Variants in ANGPT1 observed in about 807,000 individuals in gnomAD.
ANGPT1 encodes angiopoietin 1.
ANGPT1 carries 17 observed loss-of-function variants against 62.2 expected under a neutral mutation model. The ratio of observed to expected loss-of-function variants is 0.27; its 90% confidence interval spans 0.19 to 0.41. ANGPT1 has a LOEUF of 0.41. ANGPT1 is among the 10% of genes least tolerant of loss of function. ANGPT1 has a pLI of 1.00. For synonymous variants in ANGPT1, 199 were observed against 198.9 expected (o/e 1.00, Z 0.00); for missense variants, 478 against 594.9 (o/e 0.80, Z 2.04).
At chr8:107,275,271 G>A (rs979244324) in intron 7 of ANGPT1, among the ~76,000 whole-genome samples, 1 of 152,140 alleles carries the variant, frequency 6.6e-6, no homozygotes, top group Non-Finnish European at 1.5e-5. Flanking sequence ...GCCACAAGCA[G>A]CGGTTCTCCT....
At chr8:107,398,566 GTAC>G (rs1226205423) in intron 1 of ANGPT1, among the ~76,000 whole-genome samples, 4 of 139,638 alleles carry the variant, frequency 2.9e-5, no homozygotes, top group African/African-American at 1.1e-4. Flanking sequence ...ACTTTTTGCA[GTAC>G]TCACAAGTAT....
chr8:107,332,120 A>G (rs185281648), intron 3 of ANGPT1, among the ~76,000 whole-genome samples: 1 of 152,312 alleles, frequency 6.6e-6, no homozygotes, highest in East Asian at 1.9e-4. Flanking sequence ...GTACACCTCT[A>G]TTCCATTGTT....
intron 1 of ANGPT1, among the ~76,000 whole-genome samples, chr8:107,468,527 T>G (rs1337867354): frequency 2.8e-4 from 42 of 152,058 alleles, no homozygotes; most frequent in Non-Finnish European, 1.8e-4. Context: ...GGCAATTTTA[T>G]ATCATCTACA....
intron 6 of ANGPT1, among the ~76,000 whole-genome samples, chr8:107,289,511 T>G (rs1217190866): frequency 6.6e-6 from 1 of 152,102 alleles, no homozygotes; most frequent in Non-Finnish European, 1.5e-5. Context: ...GACAGCGCTG[T>G]GGCTTTCAGG....
At chr8:107,295,027 G>GA (rs1016591164) in intron 5 of ANGPT1, 6 of 152,122 alleles carry the variant, frequency 3.9e-5, no homozygotes, top group South Asian at 2.1e-4. Context: ...CCTGATTAAA[G>GA]AAAAAACCTC....
chr8:107,381,314 C>G (rs1375142316), intron 1 of ANGPT1, among the ~76,000 whole-genome samples: 1 of 152,182 alleles, frequency 6.6e-6, no homozygotes, highest in Non-Finnish European at 1.5e-5. Context: ...AAAAGCAACA[C>G]TGTGTGTGCC....
intron 1 of ANGPT1, among the ~76,000 whole-genome samples, chr8:107,357,420 G>C (rs988636006): frequency 3.9e-5 from 6 of 151,942 alleles, no homozygotes; most frequent in Admixed American, 3.9e-4. Flanking sequence ...TTAGTTTCTT[G>C]CTTATCTGAA....
intron 1 of ANGPT1, among the ~76,000 whole-genome samples, chr8:107,468,676 T>C (rs1209534712): frequency 5.3e-5 from 8 of 152,000 alleles, no homozygotes; most frequent in Admixed American, 5.3e-4. Flanking sequence ...TTATACAAAG[T>C]ATGGCAATAG....
chr8:107,459,576 T>C (rs1812012399), intron 1 of ANGPT1, among the ~76,000 whole-genome samples: 1 of 152,172 alleles, frequency 6.6e-6, no homozygotes, highest in South Asian at 2.1e-4. Context: ...GAACGAGGAA[T>C]GCATAATACC....
intron 7 of ANGPT1, among the ~76,000 whole-genome samples, chr8:107,273,046 GT>G (rs1168839820): frequency 1.3e-5 from 2 of 152,030 alleles, no homozygotes; most frequent in Admixed American, 1.3e-4. Context: ...TGACCCTCTT[GT>G]GGTGCCTAAA....
In ANGPT1 at chr8:107,497,747, T is replaced by G. The variant is rs1282713680; in HGVS notation, c.-189A>C. The G allele has an allele frequency of 1.6e-6, 1 of 622,922 alleles. No homozygotes were observed. The highest frequency in any genetic ancestry group is 1.8e-5 in the African/African-American group (1 of 54,292). 38.6% of individuals were successfully genotyped at this position (622,922 alleles called of 1,614,324 possible). On this transcript the variant is annotated 5_prime_UTR_variant, in exon 1 of 9. Coordinates refer to ENST00000517746, the MANE Select transcript of ANGPT1 (RefSeq NM_001146.5). ...GCTTTGTTCTAAAATTTTAAAATTT[T>G]TTATTTCACTGCAATGATGTTTTTC... is the stretch of plus-strand genomic sequence containing the variant.
intron 6 of ANGPT1, among the ~76,000 whole-genome samples, chr8:107,293,710 C>A (rs146502429): frequency 2.6e-4 from 39 of 152,276 alleles, no homozygotes; most frequent in African/African-American, 8.2e-4. Flanking sequence ...CACAACAGTT[C>A]ACCAAATAAT....
chr8:107,356,440 G>A (rs1035216623), intron 1 of ANGPT1, among the ~76,000 whole-genome samples: 1 of 152,132 alleles, frequency 6.6e-6, no homozygotes, highest in African/African-American at 2.4e-5. Context: ...CTGATGGGTA[G>A]AATAAAGAAA....
At chr8:107,257,739 C>A (rs1003182492) in intron 8 of ANGPT1, among the ~76,000 whole-genome samples, 1 of 152,026 alleles carries the variant, frequency 6.6e-6, no homozygotes, top group African/African-American at 2.4e-5. Context: ...TTTATGTGGA[C>A]AAAGTTGGCC....
intron 7 of ANGPT1, among the ~76,000 whole-genome samples, chr8:107,267,317 TATC>T (rs1321829703): frequency 2.6e-5 from 4 of 152,162 alleles, no homozygotes; most frequent in African/African-American, 9.7e-5. Context: ...TGTATGAATA[TATC>T]ATCAATAGTC....
intron 8 of ANGPT1, among the ~76,000 whole-genome samples, chr8:107,262,334 T>G (rs1245277007): frequency 6.6e-6 from 1 of 152,240 alleles, no homozygotes; most frequent in African/African-American, 2.4e-5. Context: ...TAAAAGATGG[T>G]AATTCATGTA....
At chr8:107,488,722 T>C (rs1249554192) in intron 1 of ANGPT1, among the ~76,000 whole-genome samples, 2 of 152,188 alleles carry the variant, frequency 1.3e-5, no homozygotes, top group Non-Finnish European at 2.9e-5. Flanking sequence ...CTGATAATAC[T>C]GGTAATAAGG....
In ANGPT1 at chr8:107,319,899, G is replaced by C. The variant is rs567782484; in HGVS notation, c.808+1997C>G. On this transcript the variant is annotated intron_variant, in intron 4 of 8. Transcript: ENST00000517746. Reference sequence around the variant, plus strand: ...TTAACAAGAAGCAAATAAAATCTATGGTCATGACAGCAGAGAACCTATTGG... The same window carrying C: ...TTAACAAGAAGCAAATAAAATCTATCGTCATGACAGCAGAGAACCTATTGG... Among the ~76,000 whole-genome samples the C allele has an allele frequency of 2.6e-5, 4 of 152,066 alleles. No homozygotes were observed. In the South Asian group the frequency reaches 8.3e-4, roughly 32 times the overall value.
chr8:107,301,268 TTTAG>T (rs1814581453), intron 5 of ANGPT1, among the ~76,000 whole-genome samples: 1 of 151,978 alleles, frequency 6.6e-6, no homozygotes, highest in Non-Finnish European at 1.5e-5. Context: ...GCTTAGTATT[TTTAG>T]TTAATTTTAT....
Sources: allele counts gnomAD v4.1 joint callset (sites outside exome capture counted in the v4.1 genomes callset), GRCh38; gene constraint gnomAD v4.1.1; transcripts MANE v1.5; gene names NCBI Gene and HGNC (gene_info 2026-07-23, HGNC 2026-07-21).